The following CDYL2 variants were observed in gnomAD, a reference collection of about 807,000 sequenced individuals.
The protein encoded by CDYL2 is chromodomain Y-like protein 2.
In CDYL2, 23 loss-of-function variants were observed where a neutral mutation model predicts 49.4. That is an observed-to-expected ratio of 0.47 (90% CI 0.34 to 0.66). The LOEUF (loss-of-function observed/expected upper bound fraction) is 0.66. CDYL2 is among the 30% of genes least tolerant of loss of function. CDYL2 has a pLI of 0.01. For synonymous variants in CDYL2, 360 were observed against 268.8 expected (o/e 1.34, Z -3.32); for missense variants, 678 against 656.4 (o/e 1.03, Z -0.36).
chr16:80,712,215 A>ATATATATATATATATATATATATC (rs763194077), intron 1 of CDYL2, among the ~76,000 whole-genome samples: 39 of 128,356 alleles, frequency 3.0e-4, no homozygotes, highest in Non-Finnish European at 4.4e-4. Context: ...ATATATATAT[A>ATATATATATATATATATATATATC]TCTCCAAACC....
intron 2 of CDYL2, among the ~76,000 whole-genome samples, chr16:80,644,485 C>T: frequency 6.6e-6 from 1 of 152,152 alleles, no homozygotes; most frequent in East Asian, 1.9e-4. Flanking sequence ...TTTCATGCTG[C>T]TGATAAAGAC....
At chr16:80,712,445 T>G (rs1404222110) in intron 1 of CDYL2, among the ~76,000 whole-genome samples, 1 of 151,856 alleles carries the variant, frequency 6.6e-6, no homozygotes, top group Non-Finnish European at 1.5e-5. Flanking sequence ...GCTCTCCATG[T>G]CGGCTGCGCC....
At chr16:80,642,851 G>C (rs1012399004) in intron 2 of CDYL2, among the ~76,000 whole-genome samples, 3 of 152,092 alleles carry the variant, frequency 2.0e-5, no homozygotes, top group African/African-American at 4.8e-5. Context: ...GGAATTATGG[G>C]AGTACAATTC....
chr16:80,641,578 A>G (rs1908088745), intron 2 of CDYL2, among the ~76,000 whole-genome samples: 1 of 152,092 alleles, frequency 6.6e-6, no homozygotes, highest in Non-Finnish European at 1.5e-5. Flanking sequence ...TAAAAAATGA[A>G]GAGTTCATGT....
Position 80,804,244 on chromosome 16 carries a change from G to T in CDYL2, c.-71C>A. 2 of 1,301,036 alleles carry T rather than the reference G, an allele frequency of 1.5e-6. No individual in the cohort carries two copies. The highest frequency in any genetic ancestry group is 2.0e-6 in the Non-Finnish European group (2 of 991,376). 80.6% of individuals were successfully genotyped at this position (1,301,036 alleles called of 1,614,324 possible). On this transcript the variant is annotated 5_prime_UTR_variant, in exon 1 of 7. Coordinates refer to ENST00000570137, the MANE Select transcript of CDYL2 (RefSeq NM_152342.4). Reference sequence around the variant, plus strand: ...CGCGCCCTCCGTGCGTGTGCGCGCGGGGTCCGGTGTGCGCGTGTGTGTGCG... The same window carrying T: ...CGCGCCCTCCGTGCGTGTGCGCGCGTGGTCCGGTGTGCGCGTGTGTGTGCG...
At chr16:80,701,001 T>A (rs1440754627) in intron 1 of CDYL2, among the ~76,000 whole-genome samples, 1 of 152,164 alleles carries the variant, frequency 6.6e-6, no homozygotes, top group Non-Finnish European at 1.5e-5. Context: ...GGGCAGAAGA[T>A]CCCACTAAAC....
At chr16:80,687,828 G>A (rs1320961835) in intron 1 of CDYL2, among the ~76,000 whole-genome samples, 1 of 152,192 alleles carries the variant, frequency 6.6e-6, no homozygotes, top group Non-Finnish European at 1.5e-5. Context: ...CCTATCTCTT[G>A]GGGTTGTTGC....
In CDYL2 at chr16:80,633,256, A is replaced by C. The variant is rs1276266594; in HGVS notation, c.617-20T>G. On this transcript the variant is annotated intron_variant, in intron 2 of 6. Coordinates refer to ENST00000570137, the MANE Select transcript of CDYL2 (RefSeq NM_152342.4). ...CAGAGCCTTCCAAAACCAGATAAACAATGTAAGAAACTGAAATGGACCACG... is the reference window on the plus strand; with the variant it reads ...CAGAGCCTTCCAAAACCAGATAAACCATGTAAGAAACTGAAATGGACCACG... 1 of 1,603,522 alleles carries C rather than the reference A, an allele frequency of 6.2e-7. No individual in the cohort carries two copies. Among genetic ancestry groups the C allele is most frequent in the Admixed American group, 1.7e-5 (1 of 59,502 alleles).
chr16:80,669,992 T>G (rs1047542471), intron 2 of CDYL2, among the ~76,000 whole-genome samples: 2 of 152,206 alleles, frequency 1.3e-5, no homozygotes, highest in Non-Finnish European at 2.9e-5. Context: ...TCCCTCTGCC[T>G]AAGTCTGCCT....
chr16:80,663,720 G>A (rs1160660653), intron 2 of CDYL2, among the ~76,000 whole-genome samples: 1 of 152,040 alleles, frequency 6.6e-6, no homozygotes, highest in Non-Finnish European at 1.5e-5. Flanking sequence ...AGCTTCCCAA[G>A]TAGCTAGAAT....
intron 1 of CDYL2, among the ~76,000 whole-genome samples, chr16:80,738,055 C>G (rs1905599886): frequency 7.4e-6 from 1 of 135,374 alleles, no homozygotes; most frequent in Admixed American, 8.1e-5. Flanking sequence ...GTGTGATGTT[C>G]CCCTCCCTGT....
intron 6 of CDYL2, 144 bp downstream of exon 6, chr16:80,607,948 A>T (rs2142359494): frequency 1.1e-6 from 1 of 906,854 alleles, no homozygotes; most frequent in East Asian, 2.9e-5. Context: ...TACTGAGAAA[A>T]GGCATTTGTT....
At chr16:80,663,040 A>T (rs1354300937) in intron 2 of CDYL2, among the ~76,000 whole-genome samples, 1 of 150,054 alleles carries the variant, frequency 6.7e-6, no homozygotes. Context: ...TTACCTCTTG[A>T]TCAAAAGACA....
chr16:80,717,216 G>A (rs531884133), intron 1 of CDYL2, among the ~76,000 whole-genome samples: 1 of 152,110 alleles, frequency 6.6e-6, no homozygotes, highest in Non-Finnish European at 1.5e-5. Flanking sequence ...CACACAGTGT[G>A]GTGACTAGCC....
intron 2 of CDYL2, among the ~76,000 whole-genome samples, chr16:80,658,706 A>C (rs1310921973): frequency 6.6e-6 from 1 of 152,198 alleles, no homozygotes; most frequent in Non-Finnish European, 1.5e-5. Flanking sequence ...TCAGCTGAAA[A>C]GGCTTAGAAG....
At chr16:80,699,201 G>A (rs529408639) in intron 1 of CDYL2, among the ~76,000 whole-genome samples, 24 of 152,126 alleles carry the variant, frequency 1.6e-4, no homozygotes, top group Non-Finnish European at 2.5e-4. Context: ...AGATATACCT[G>A]TACTCTCATG....
chr16:80,734,362 A>T (rs1027336182), intron 1 of CDYL2, among the ~76,000 whole-genome samples: 3 of 152,172 alleles, frequency 2.0e-5, no homozygotes, highest in Admixed American at 2.0e-4. Flanking sequence ...TTTTTGAGGA[A>T]CACTTTCCAT....
At chr16:80,747,359 T>A (rs1905967124) in intron 1 of CDYL2, among the ~76,000 whole-genome samples, 1 of 151,844 alleles carries the variant, frequency 6.6e-6, no homozygotes, top group African/African-American at 2.4e-5. Context: ...GCCTCAGAAT[T>A]CTCATTATTA....
intron 1 of CDYL2, among the ~76,000 whole-genome samples, chr16:80,779,184 A>C (rs1907186121): frequency 6.6e-6 from 1 of 152,072 alleles, no homozygotes; most frequent in Admixed American, 6.5e-5. Context: ...TAAATGTTTA[A>C]ATTACTCTCC....
Sources: allele counts gnomAD v4.1 joint callset (sites outside exome capture counted in the v4.1 genomes callset), GRCh38; gene constraint gnomAD v4.1.1; transcripts MANE v1.5; gene names NCBI Gene and HGNC (gene_info 2026-07-23, HGNC 2026-07-21).